The following GOLPH3L variants were observed in gnomAD, a reference collection of about 807,000 sequenced individuals.
GOLPH3L encodes golgi phosphoprotein 3 like, also known as Golgi phosphoprotein 3-like.
GOLPH3L carries 22 observed loss-of-function variants against 30.3 expected under a neutral mutation model. The observed-to-expected ratio is 0.73, with a 90% CI of 0.52 to 1.04. GOLPH3L has a LOEUF of 1.04. Ranked by LOEUF, GOLPH3L falls within the 50% of genes least tolerant of loss-of-function variation. The pLI is 0.00. For synonymous variants in GOLPH3L, 120 were observed against 128.2 expected (o/e 0.94, Z 0.43); for missense variants, 303 against 345.8 (o/e 0.88, Z 0.98).
chr1:150,656,129 G>T (rs936570984), intron 4 of GOLPH3L, among the ~76,000 whole-genome samples: 1 of 152,180 alleles, frequency 6.6e-6, no homozygotes, highest in African/African-American at 2.4e-5. Context: ...TATGGATGAT[G>T]TATTTGTGCT....
intron 1 of GOLPH3L, among the ~76,000 whole-genome samples, chr1:150,695,562 C>A (rs1475623547): frequency 1.3e-5 from 2 of 152,050 alleles, no homozygotes; most frequent in Non-Finnish European, 2.9e-5. Flanking sequence ...GAGCATCCAG[C>A]CCCAAAATGC....
chr1:150,656,190 G>A (rs1048678751), intron 4 of GOLPH3L, among the ~76,000 whole-genome samples: 2 of 152,090 alleles, frequency 1.3e-5, no homozygotes, highest in African/African-American at 2.4e-5. Context: ...TGCAAAATTC[G>A]ATTTCTCGTG....
At chr1:150,688,631 A>C (rs1651144403) in intron 2 of GOLPH3L, among the ~76,000 whole-genome samples, 1 of 152,114 alleles carries the variant, frequency 6.6e-6, no homozygotes, top group Non-Finnish European at 1.5e-5. Flanking sequence ...GGTGCATGTA[A>C]TACCAGCTAC....
intron 2 of GOLPH3L, among the ~76,000 whole-genome samples, chr1:150,676,172 C>T (rs899910017): frequency 3.3e-5 from 5 of 152,026 alleles, no homozygotes; most frequent in South Asian, 2.1e-4. Context: ...CAAGGTTTTC[C>T]GATGTTGCCC....
chr1:150,690,340 G>A (rs1297886983), intron 2 of GOLPH3L, among the ~76,000 whole-genome samples: 3 of 152,058 alleles, frequency 2.0e-5, no homozygotes, highest in African/African-American at 7.2e-5. Context: ...GGATCTTAGG[G>A]AACTCTCCAG....
intron 1 of GOLPH3L, among the ~76,000 whole-genome samples, chr1:150,695,137 TTTC>T (rs1651319072): frequency 6.6e-6 from 1 of 152,132 alleles, no homozygotes; most frequent in African/African-American, 2.4e-5. Context: ...TTTTTTTCTT[TTTC>T]TTCTTCTTTT....
chr1:150,682,177 T>C (rs587662348), intron 2 of GOLPH3L, among the ~76,000 whole-genome samples: 1 of 152,210 alleles, frequency 6.6e-6, no homozygotes, highest in Non-Finnish European at 1.5e-5. Context: ...AGATTATAGG[T>C]GGTTTTTATT....
chr1:150,682,732 AC>A (rs1650986461), intron 2 of GOLPH3L, among the ~76,000 whole-genome samples: 1 of 151,470 alleles, frequency 6.6e-6, no homozygotes, highest in Non-Finnish European at 1.5e-5. Context: ...TAATAAAATT[AC>A]TTTTATATCT....
chr1:150,694,625 T>A, intron 2 of GOLPH3L, 31 bp downstream of exon 2: 1 of 1,372,998 alleles, frequency 7.3e-7, no homozygotes, highest in Non-Finnish European at 1.0e-6. Flanking sequence ...TAATAGTCTT[T>A]GAGATAGCCT....
rs587746622 is a variant in GOLPH3L, at chr1:150,648,601, G to T, written c.578C>A (p.Thr193Lys). The T allele has an allele frequency of 1.2e-6, 2 of 1,613,980 alleles. No individual in the cohort carries two copies. Among genetic ancestry groups the T allele is most frequent in the Admixed American group, 3.3e-5 (2 of 60,016 alleles). ...TTTCACTAGTCGCTGTTTCTCTGTTGTATTGGTCACTGGATGAGTAGTCAT... is the reference window on the plus strand; with the variant it reads ...TTTCACTAGTCGCTGTTTCTCTGTTTTATTGGTCACTGGATGAGTAGTCAT... ...FDMTTHPVTNTTEKQRLVKKL... is the reference protein window; with the variant it reads ...FDMTTHPVTNKTEKQRLVKKL... Residue 193 changes from threonine to lysine, a missense_variant, in exon 5 of 5, where the codon ACA becomes AAA. Physicochemically the swap from Thr to Lys is moderately conservative, Grantham distance 78. Coordinates refer to ENST00000271732, the MANE Select transcript of GOLPH3L (RefSeq NM_018178.6).
At chr1:150,669,668 T>C (rs1310611754) in intron 2 of GOLPH3L, among the ~76,000 whole-genome samples, 1 of 151,974 alleles carries the variant, frequency 6.6e-6, no homozygotes, top group Non-Finnish European at 1.5e-5. Context: ...TGGACTTTAA[T>C]ATACATCTGT....
intron 2 of GOLPH3L, among the ~76,000 whole-genome samples, chr1:150,686,841 A>G (rs1651096807): frequency 6.6e-6 from 1 of 152,220 alleles, no homozygotes; most frequent in Admixed American, 6.5e-5. Flanking sequence ...AGCTTAAGCT[A>G]TATTTTCCTA....
At chr1:150,690,598 A>G (rs1344516835) in intron 2 of GOLPH3L, among the ~76,000 whole-genome samples, 5 of 152,176 alleles carry the variant, frequency 3.3e-5, no homozygotes, top group Non-Finnish European at 7.3e-5. Flanking sequence ...TGGTAACAAA[A>G]TCTATAATCT....
intron 3 of GOLPH3L, among the ~76,000 whole-genome samples, chr1:150,662,883 G>A (rs1650400734): frequency 6.6e-6 from 1 of 152,038 alleles, no homozygotes; most frequent in Non-Finnish European, 1.5e-5. Flanking sequence ...AGTTGTGAGT[G>A]GAAAAATTCA....
At chr1:150,695,194 T>C (rs1651321066) in intron 1 of GOLPH3L, among the ~76,000 whole-genome samples, 1 of 152,150 alleles carries the variant, frequency 6.6e-6, no homozygotes. Flanking sequence ...GGGAGTGCAG[T>C]GGTGCGATGT....
chr1:150,652,746 C>T (rs1477416918), intron 4 of GOLPH3L, among the ~76,000 whole-genome samples: 25 of 151,776 alleles, frequency 1.6e-4, no homozygotes, highest in Admixed American at 1.1e-3. Context: ...TAAACTTTTG[C>T]GCAAGGTTAT....
rs376525947 is a variant in GOLPH3L, at chr1:150,651,580, C to T, written c.431-2832G>A. The stretch of plus-strand genomic sequence containing the variant: ...AGGAGAATCACTTGAACCCAGGAGG[C>T]GGAGGTTGCAATGAGCCAAGATCAC... On this transcript the variant is annotated intron_variant, in intron 4 of 4. Coordinates refer to ENST00000271732, the MANE Select transcript of GOLPH3L (RefSeq NM_018178.6). 6.5e-5 allele frequency among the ~76,000 whole-genome samples: 9 copies of T among 137,468 alleles called. 1 individual carries two copies. The South Asian group carries it at 7.3e-4, about 11-fold the overall frequency. 90.2% of individuals were successfully genotyped at this position (137,468 alleles called of 152,430 possible).
intron 2 of GOLPH3L, among the ~76,000 whole-genome samples, chr1:150,677,312 C>T (rs587767285): frequency 7.2e-5 from 11 of 151,890 alleles, no homozygotes; most frequent in Admixed American, 2.0e-4. Context: ...TCTTGGCTTA[C>T]GGCAACTTCT....
intron 2 of GOLPH3L, among the ~76,000 whole-genome samples, chr1:150,676,790 C>T (rs1197861508): frequency 4.7e-5 from 7 of 150,098 alleles, no homozygotes; most frequent in Admixed American, 3.3e-4. Flanking sequence ...ATTACAGCCA[C>T]CCGCCACCAA....
Sources: allele counts gnomAD v4.1 joint callset (sites outside exome capture counted in the v4.1 genomes callset), GRCh38; gene constraint gnomAD v4.1.1; transcripts MANE v1.5; gene names NCBI Gene and HGNC (gene_info 2026-07-23, HGNC 2026-07-21).